The following EPHA6 variants were observed in gnomAD, a reference collection of about 807,000 sequenced individuals.
EPHA6 encodes EPH receptor A6.
A neutral mutation model predicts 112.0 loss-of-function variants in EPHA6; 50 were observed. The ratio of observed to expected loss-of-function variants is 0.45; its 90% CI spans 0.36 to 0.56. The LOEUF is 0.56. EPHA6 is among the 20% of genes least tolerant of loss of function. EPHA6 has a pLI of 0.00. For synonymous variants in EPHA6, 529 were observed against 490.7 expected, an observed-to-expected ratio of 1.08 and a Z score of -1.03; for missense variants, 1,280 against 1,417.4, an observed-to-expected ratio of 0.90 and a Z score of 1.56.
chr3:97,326,816 A>G (rs1341454605), intron 5 of EPHA6, among the ~76,000 whole-genome samples: 1 of 152,146 alleles, frequency 6.6e-6, no homozygotes, highest in Non-Finnish European at 1.5e-5. Context: ...TCTAAGAAGT[A>G]TGATTTGCCT....
intron 3 of EPHA6, among the ~76,000 whole-genome samples, chr3:97,166,534 A>T (rs187726404): frequency 2.3e-4 from 35 of 152,236 alleles, no homozygotes; most frequent in Admixed American, 5.2e-4. Flanking sequence ...TGGTTGACAA[A>T]AATCCATATT....
intron 2 of EPHA6, among the ~76,000 whole-genome samples, chr3:96,949,371 G>T (rs1006058361): frequency 2.0e-5 from 3 of 152,050 alleles, no homozygotes; most frequent in Non-Finnish European, 4.4e-5. Context: ...TCAAAATTTT[G>T]CAGTATTACT....
intron 10 of EPHA6, among the ~76,000 whole-genome samples, chr3:97,490,481 A>T (rs1159932160): frequency 2.0e-5 from 3 of 152,158 alleles, no homozygotes; most frequent in Admixed American, 6.6e-5. Context: ...CTTACAAAGA[A>T]GTTATTTTTC....
intron 5 of EPHA6, among the ~76,000 whole-genome samples, chr3:97,254,240 G>A (rs1290567829): frequency 1.3e-5 from 2 of 152,136 alleles, no homozygotes; most frequent in Non-Finnish European, 2.9e-5. Flanking sequence ...CCAGGCTGGA[G>A]TGCAGTGGCG....
intron 11 of EPHA6, among the ~76,000 whole-genome samples, chr3:97,565,234 C>A (rs60668568): frequency 0.012 from 1,830 of 151,762 alleles, 39 homozygotes; most frequent in African/African-American, 0.041. Context: ...AAATCACATG[C>A]TATAAATATT....
chr3:96,935,757 A>G (rs908128387), intron 2 of EPHA6, among the ~76,000 whole-genome samples: 7 of 147,456 alleles, frequency 4.7e-5, no homozygotes, highest in Non-Finnish European at 8.9e-5. Flanking sequence ...CACACATTAT[A>G]TATATGTGTG....
chr3:96,979,939 T>C (rs1040274689), intron 2 of EPHA6, among the ~76,000 whole-genome samples: 1 of 152,220 alleles, frequency 6.6e-6, no homozygotes, highest in African/African-American at 2.4e-5. Context: ...TCATTGTAGA[T>C]GCTTGATATT....
chr3:97,552,362 C>G (rs2093040666), intron 11 of EPHA6, among the ~76,000 whole-genome samples: 1 of 152,120 alleles, frequency 6.6e-6, no homozygotes, highest in South Asian at 2.1e-4. Flanking sequence ...TACTTCTTTT[C>G]CTAATTAAGA....
intron 3 of EPHA6, among the ~76,000 whole-genome samples, chr3:97,168,619 C>CTCTT (rs145175466): frequency 3.3e-5 from 5 of 151,036 alleles, no homozygotes; most frequent in African/African-American, 4.9e-5. Flanking sequence ...GTCTCTGTCT[C>CTCTT]TCTCTTTCTC....
intron 1 of EPHA6, among the ~76,000 whole-genome samples, chr3:96,840,504 G>A (rs2034678423): frequency 6.6e-6 from 1 of 152,070 alleles, no homozygotes; most frequent in South Asian, 2.1e-4. Context: ...TCTGGACCTT[G>A]GGCCTGTAGT....
intron 3 of EPHA6, among the ~76,000 whole-genome samples, chr3:97,133,195 A>G (rs2108332292): frequency 6.6e-6 from 1 of 152,160 alleles, no homozygotes; most frequent in East Asian, 1.9e-4. Flanking sequence ...ATATGACTGA[A>G]ATAGGCAGAC....
At chr3:96,958,324 G>T (rs1383528704) in intron 2 of EPHA6, among the ~76,000 whole-genome samples, 1 of 151,614 alleles carries the variant, frequency 6.6e-6, no homozygotes, top group Non-Finnish European at 1.5e-5. Flanking sequence ...TTGACTTTCA[G>T]TTCTGCCATT....
rs142726262 is a variant in EPHA6 at position 97,606,433 on chromosome 3, T to G, written c.2513-4360T>G. The stretch of plus-strand genomic sequence containing the variant: ...TTTATGTAGAATCAATAGAACTTCA[T>G]AACTTATGAACTAGAAAGGGTTTAA... On this transcript the variant is annotated intron_variant, in intron 12 of 17. Coordinates refer to ENST00000389672, the MANE Select transcript of EPHA6 (RefSeq NM_001080448.3). Among the ~76,000 whole-genome samples the G allele has an allele frequency of 6.3e-3, 949 of 151,366 alleles. 9 individuals are homozygous for G. The highest frequency in any genetic ancestry group is 0.022 in the African/African-American group (901 of 41,472).
chr3:97,073,977 T>G (rs956881298), intron 3 of EPHA6, among the ~76,000 whole-genome samples: 1 of 152,090 alleles, frequency 6.6e-6, no homozygotes, highest in African/African-American at 2.4e-5. Flanking sequence ...TTTTAATATT[T>G]TATGAATTGC....
intron 5 of EPHA6, among the ~76,000 whole-genome samples, chr3:97,320,574 G>C (rs1399749816): frequency 6.6e-6 from 1 of 151,706 alleles, no homozygotes; most frequent in African/African-American, 2.4e-5. Flanking sequence ...AGAAATAAAA[G>C]GTCTCCTCAT....
chr3:97,511,527 C>T (rs2092364787), intron 10 of EPHA6, among the ~76,000 whole-genome samples: 1 of 152,148 alleles, frequency 6.6e-6, no homozygotes, highest in African/African-American at 2.4e-5. Context: ...TCTAACCAGT[C>T]CCAATTAGAT....
rs116779922 is a variant in EPHA6, at chr3:97,564,229, A to G, written c.2387-28383A>G. 3.0e-3 allele frequency among the ~76,000 whole-genome samples: 450 copies of G among 152,244 alleles called. 1 individual carries two copies. Among genetic ancestry groups the G allele is most frequent in the Non-Finnish European group, 5.1e-3 (346 of 67,980 alleles). On this transcript the variant is annotated intron_variant, in intron 11 of 17. Transcript: ENST00000389672. ...ACTTGTAAAAACATTATTTATTATT[A>G]TAATAATTCTCACAAGCACAAATCA... is the stretch of plus-strand genomic sequence containing the variant.
rs76663831 is a variant in EPHA6, at chr3:97,359,368, T to C, written c.1607-45782T>C. ...TTAAGTTTTTATTTCAGTTATTGTATTTTTAGCTCCAGAATTTATTTTTGG... is the reference window on the plus strand; with the variant it reads ...TTAAGTTTTTATTTCAGTTATTGTACTTTTAGCTCCAGAATTTATTTTTGG... On this transcript the variant is annotated intron_variant, in intron 5 of 17. Coordinates refer to ENST00000389672, the MANE Select transcript of EPHA6 (RefSeq NM_001080448.3). Among the ~76,000 whole-genome samples the C allele has an allele frequency of 7.6e-3, 1,155 of 152,168 alleles. 15 individuals are homozygous for C. Among genetic ancestry groups the C allele is most frequent in the African/African-American group, 0.027 (1,106 of 41,570 alleles).
intron 3 of EPHA6, among the ~76,000 whole-genome samples, chr3:97,140,498 C>G (rs1049108066): frequency 6.6e-6 from 1 of 152,148 alleles, no homozygotes; most frequent in Non-Finnish European, 1.5e-5. Context: ...CAGGAGAAAC[C>G]TTTTAAGCCA....
Sources: gnomAD v4.1 joint callset for allele counts (sites outside exome capture counted in the v4.1 genomes callset) on GRCh38, gnomAD v4.1.1 for gene constraint, MANE v1.5 for transcripts, NCBI Gene and HGNC (gene_info 2026-07-23, HGNC 2026-07-21) for gene names.